Variants in GRIN2B observed in about 807,000 individuals in gnomAD.
The protein encoded by GRIN2B is glutamate ionotropic receptor NMDA type subunit 2B.
In GRIN2B, 5 loss-of-function variants were observed where a neutral mutation model predicts 114.5. The observed-to-expected ratio is 0.04, with a 90% CI of 0.02 to 0.09. The LOEUF (loss-of-function observed/expected upper bound fraction) is 0.09, where lower values mean the gene tolerates loss of function less well. GRIN2B is among the 10% of genes least tolerant of loss of function. GRIN2B has a pLI of 1.00. For missense variants in GRIN2B, 1,108 were observed against 1,943.5 expected (o/e 0.57, Z 8.08); for synonymous variants, 787 against 745.1 (o/e 1.06, Z -0.92).
chr12:13,861,371 G>C (rs971128795), intron 3 of GRIN2B, among the ~76,000 whole-genome samples: 2 of 152,124 alleles, frequency 1.3e-5, no homozygotes, highest in Admixed American at 1.3e-4. Flanking sequence ...CAGACAATCA[G>C]TAGAAAAACC....
At chr12:13,648,519 G>C (rs536195612) in intron 5 of GRIN2B, among the ~76,000 whole-genome samples, 15 of 151,972 alleles carry the variant, frequency 9.9e-5, no homozygotes, top group African/African-American at 3.1e-4. Flanking sequence ...TAAGGGGCAA[G>C]GTGTCACTTG....
chr12:13,965,552 A>ATACAC (rs1867776054), intron 2 of GRIN2B, among the ~76,000 whole-genome samples: 1 of 48,878 alleles, frequency 2.0e-5, no homozygotes, highest in East Asian at 5.6e-4. Flanking sequence ...AATCCAGATT[A>ATACAC]CACACCACAC....
At chr12:13,879,550 A>C (rs1591599799) in intron 2 of GRIN2B, among the ~76,000 whole-genome samples, 1 of 152,200 alleles carries the variant, frequency 6.6e-6, no homozygotes, top group Non-Finnish European at 1.5e-5. Flanking sequence ...CTGTTTGTGA[A>C]TCTTTTCCTG....
In GRIN2B at chr12:13,825,151, C is replaced by A. The variant is rs561826075; in HGVS notation, c.411+40647G>T. On this transcript the variant is annotated intron_variant, in intron 3 of 13. Coordinates refer to ENST00000609686, the MANE Select transcript of GRIN2B (RefSeq NM_000834.5). The stretch of plus-strand genomic sequence containing the variant: ...TATTTTAATTCAGTCCAAAATATAT[C>A]CTGAAGGCCTTTGTGATTTCTTTTT... Among the ~76,000 whole-genome samples the A allele has an allele frequency of 2.6e-5, 4 of 151,940 alleles. No homozygotes were observed. In the East Asian group the frequency reaches 7.7e-4, roughly 29 times the overall value.
intron 3 of GRIN2B, among the ~76,000 whole-genome samples, chr12:13,797,197 T>A (rs1204807441): frequency 1.3e-5 from 2 of 152,112 alleles, no homozygotes; most frequent in African/African-American, 4.8e-5. Context: ...CATTTCCTGG[T>A]TTACAGATGA....
chr12:13,682,687 T>A (rs772380128), intron 4 of GRIN2B, among the ~76,000 whole-genome samples: 5 of 152,210 alleles, frequency 3.3e-5, no homozygotes, highest in Non-Finnish European at 7.3e-5. Context: ...CAGTGATTGA[T>A]ACAAATTTAA....
intron 2 of GRIN2B, among the ~76,000 whole-genome samples, chr12:13,948,692 A>G (rs766248259): frequency 6.6e-6 from 1 of 152,054 alleles, no homozygotes; most frequent in Admixed American, 6.5e-5. Flanking sequence ...AATTCCCCTA[A>G]ATGTAGGTTA....
chr12:13,942,752 C>A (rs1436925114), intron 2 of GRIN2B, among the ~76,000 whole-genome samples: 4 of 152,154 alleles, frequency 2.6e-5, no homozygotes, highest in Admixed American at 6.5e-5. Context: ...AATACAGTAT[C>A]TTTCAGTAGA....
At chr12:13,754,678 T>C (rs141347355) in intron 3 of GRIN2B, among the ~76,000 whole-genome samples, 2 of 152,320 alleles carry the variant, frequency 1.3e-5, no homozygotes, top group East Asian at 3.9e-4. Flanking sequence ...AAACAGTATG[T>C]CTAAGCTGCA....
At chr12:13,830,687 C>T (rs1865129269) in intron 3 of GRIN2B, among the ~76,000 whole-genome samples, 1 of 152,144 alleles carries the variant, frequency 6.6e-6, no homozygotes, top group African/African-American at 2.4e-5. Flanking sequence ...AACTAAGCCA[C>T]AAGATAGCAT....
At chr12:13,587,915 A>G (rs1948952240) in intron 10 of GRIN2B, among the ~76,000 whole-genome samples, 1 of 152,222 alleles carries the variant, frequency 6.6e-6, no homozygotes, top group East Asian at 1.9e-4. Context: ...TTTGCCATTA[A>G]AAGTAATTAT....
intron 5 of GRIN2B, among the ~76,000 whole-genome samples, chr12:13,655,933 T>C (rs1211443144): frequency 6.6e-6 from 1 of 152,226 alleles, no homozygotes; most frequent in East Asian, 1.9e-4. Flanking sequence ...TTCCTCTGCC[T>C]TCTGCCTTAG....
intron 2 of GRIN2B, among the ~76,000 whole-genome samples, chr12:13,878,134 G>T (rs1215800301): frequency 6.6e-6 from 1 of 150,526 alleles, no homozygotes; most frequent in Non-Finnish European, 1.5e-5. Flanking sequence ...AAGCAGACCT[G>T]TTTGGACTAT....
chr12:13,919,247 C>T (rs1173233564), intron 2 of GRIN2B, among the ~76,000 whole-genome samples: 1 of 152,166 alleles, frequency 6.6e-6, no homozygotes, highest in Non-Finnish European at 1.5e-5. Context: ...TCTTAGAGAC[C>T]TTCTGAATCT....
intron 3 of GRIN2B, among the ~76,000 whole-genome samples, chr12:13,781,288 G>C (rs978914780): frequency 2.6e-5 from 4 of 152,192 alleles, no homozygotes; most frequent in African/African-American, 9.6e-5. Flanking sequence ...AATGATATTC[G>C]TCTGGGTTAA....
chr12:13,700,173 G>A (rs1351193587), intron 4 of GRIN2B, among the ~76,000 whole-genome samples: 1 of 152,086 alleles, frequency 6.6e-6, no homozygotes, highest in Non-Finnish European at 1.5e-5. Flanking sequence ...TGCACAGTAA[G>A]TACACTGGTT....
At chr12:13,915,367 G>C (rs1326264543) in intron 2 of GRIN2B, among the ~76,000 whole-genome samples, 1 of 152,126 alleles carries the variant, frequency 6.6e-6, no homozygotes, top group African/African-American at 2.4e-5. Flanking sequence ...CCTGCTAGTT[G>C]TACCCATGGG....
chr12:13,805,524 G>A (rs1487473104), intron 3 of GRIN2B, among the ~76,000 whole-genome samples: 2 of 152,032 alleles, frequency 1.3e-5, no homozygotes, highest in Admixed American at 6.6e-5. Flanking sequence ...ATCTTTCTAA[G>A]AAACAATAAG....
chr12:13,833,391 C>T (rs753315778), intron 3 of GRIN2B, among the ~76,000 whole-genome samples: 5 of 152,192 alleles, frequency 3.3e-5, no homozygotes, highest in Admixed American at 1.3e-4. Context: ...TCTTCCCCTC[C>T]ATCTCCTCTG....
Sources: allele counts gnomAD v4.1 joint callset (sites outside exome capture counted in the v4.1 genomes callset), GRCh38; gene constraint gnomAD v4.1.1; transcripts MANE v1.5; gene names NCBI Gene and HGNC (gene_info 2026-07-23, HGNC 2026-07-21).